Variants in LRRC69 observed in about 807,000 individuals in gnomAD.
The protein encoded by LRRC69 is leucine rich repeat containing 69, also known as leucine-rich repeat-containing protein 69.
A neutral mutation model predicts 37.8 loss-of-function variants in LRRC69; 42 were observed. The observed-to-expected ratio is 1.11, with a 90% confidence interval of 0.87 to 1.44. LRRC69 has a LOEUF of 1.44. LRRC69 is among the 40% of genes most tolerant of loss of function. The probability of loss-of-function intolerance (pLI) is 0.00; values close to 1 mark genes in which losing one functional copy is unlikely to be tolerated. For synonymous variants in LRRC69, 141 were observed against 143.1 expected, an observed-to-expected ratio of 0.99 and a Z score of 0.11; for missense variants, 357 against 401.9, an observed-to-expected ratio of 0.89 and a Z score of 0.96.
At chr8:91,198,940 TA>T in intron 6 of LRRC69, among the ~76,000 whole-genome samples, 1 of 152,172 alleles carries the variant, frequency 6.6e-6, no homozygotes, top group South Asian at 2.1e-4. Context: ...TGGCAATAAG[TA>T]AAAGAAAAAT....
chr8:91,197,921 CT>C (rs1374802407), intron 6 of LRRC69, among the ~76,000 whole-genome samples: 1 of 152,112 alleles, frequency 6.6e-6, no homozygotes, highest in Non-Finnish European at 1.5e-5. Flanking sequence ...CTATCTATGC[CT>C]GTAATATGTA....
At chr8:91,193,298 T>C (rs1809534219) in intron 6 of LRRC69, among the ~76,000 whole-genome samples, 1 of 141,456 alleles carries the variant, frequency 7.1e-6, no homozygotes, top group African/African-American at 2.7e-5. Flanking sequence ...TCCAGCTTTG[T>C]TCTTTTGGCT....
chr8:91,132,675 C>T (rs1273667445), intron 3 of LRRC69, among the ~76,000 whole-genome samples: 1 of 151,914 alleles, frequency 6.6e-6, no homozygotes, highest in Non-Finnish European at 1.5e-5. Context: ...TTTGAACTTC[C>T]ACAGCAATTG....
At chr8:91,127,845 A>G (rs1182343959) in intron 3 of LRRC69, among the ~76,000 whole-genome samples, 1 of 151,996 alleles carries the variant, frequency 6.6e-6, no homozygotes, top group Admixed American at 6.6e-5. Context: ...CAGGGTTTTA[A>G]AAGAGAATAC....
At chr8:91,159,055 G>C (rs992069976) in intron 5 of LRRC69, among the ~76,000 whole-genome samples, 6 of 151,084 alleles carry the variant, frequency 4.0e-5, no homozygotes, top group African/African-American at 1.2e-4. Flanking sequence ...AAAGATCTAT[G>C]ACCAGATATT....
rs1808858634 is a variant in LRRC69 at position 91,157,534 on chromosome 8, T to G, written c.651+21795T>G. 2.0e-6 allele frequency: 3 copies of G among 1,532,178 alleles called. No homozygotes were observed. In the African/African-American group the frequency reaches 4.1e-5, roughly 21 times the overall value. 94.9% of individuals were successfully genotyped at this position (1,532,178 alleles called of 1,614,324 possible). On this transcript the variant is annotated intron_variant, in intron 5 of 7. Transcript: ENST00000448384. ...GGAGTTCTATTTGTTTCCTATAGTA[T>G]TTAATGAGAATGAGGGTTTACTCCT...
chr8:91,200,034 G>A (rs1327269663), intron 6 of LRRC69, among the ~76,000 whole-genome samples: 1 of 152,010 alleles, frequency 6.6e-6, no homozygotes, highest in Non-Finnish European at 1.5e-5. Context: ...CACTATTCAG[G>A]TTCTCAGTGC....
At chr8:91,174,395 A>G (rs954489479) in intron 5 of LRRC69, among the ~76,000 whole-genome samples, 1 of 152,232 alleles carries the variant, frequency 6.6e-6, no homozygotes, top group Admixed American at 6.5e-5. Context: ...ACTAAGTGAA[A>G]TTAAAGGCGC....
chr8:91,148,982 A>C (rs1808675745), intron 5 of LRRC69, among the ~76,000 whole-genome samples: 1 of 151,668 alleles, frequency 6.6e-6, no homozygotes, highest in African/African-American at 2.4e-5. Flanking sequence ...TCTGGATATT[A>C]GCCCTTTGTC....
intron 1 of LRRC69, among the ~76,000 whole-genome samples, chr8:91,120,036 G>T (rs1191569258): frequency 1.3e-5 from 2 of 151,778 alleles, no homozygotes; most frequent in Admixed American, 6.6e-5. Context: ...TCTTGGGGGT[G>T]GGGGGGAACT....
chr8:91,137,858 A>T (rs1020796637), intron 5 of LRRC69, among the ~76,000 whole-genome samples: 2 of 152,126 alleles, frequency 1.3e-5, no homozygotes, highest in African/African-American at 2.4e-5. Flanking sequence ...CACAATGATT[A>T]TCAGTGAAAG....
chr8:91,111,976 A>G (rs1421583151), intron 1 of LRRC69, among the ~76,000 whole-genome samples: 1 of 152,012 alleles, frequency 6.6e-6, no homozygotes, highest in Non-Finnish European at 1.5e-5. Flanking sequence ...ATGCAAATGC[A>G]AAAGGAGGAT....
intron 1 of LRRC69, chr8:91,118,644 C>T (rs760861651): frequency 5.9e-6 from 1 of 170,196 alleles, no homozygotes; most frequent in Non-Finnish European, 1.3e-5. Flanking sequence ...GTCTTTCCAT[C>T]TATAACCATA....
chr8:91,151,071 G>A (rs1305251241), intron 5 of LRRC69, among the ~76,000 whole-genome samples: 5 of 150,824 alleles, frequency 3.3e-5, no homozygotes, highest in Non-Finnish European at 5.9e-5. Flanking sequence ...AGGGTTTTTT[G>A]TGTCTCTATT....
chr8:91,183,313 T>C (rs1287425128), intron 5 of LRRC69, among the ~76,000 whole-genome samples: 2 of 152,218 alleles, frequency 1.3e-5, no homozygotes, highest in Non-Finnish European at 2.9e-5. Context: ...TGGTAGACTT[T>C]TGCTGAAGTC....
chr8:91,147,167 T>C (rs1444879047), intron 5 of LRRC69, among the ~76,000 whole-genome samples: 2 of 150,656 alleles, frequency 1.3e-5, no homozygotes, highest in Non-Finnish European at 3.0e-5. Flanking sequence ...TGCTCATATA[T>C]TGTAAATTAT....
chr8:91,172,214 A>G lies in LRRC69; in HGVS notation c.652-17308A>G, dbSNP rs111909783. ...TTCTTACCACAATAAAAATGCTTCT[A>G]TAAAGTTCAGTGTGGCTACTCTTTG... On this transcript the variant is annotated intron_variant, in intron 5 of 7. Transcript: ENST00000448384. 7.1e-3 allele frequency among the ~76,000 whole-genome samples: 1,083 copies of G among 152,092 alleles called. 16 individuals are homozygous for G. The highest frequency in any genetic ancestry group is 0.011 in the Non-Finnish European group (769 of 68,008).
chr8:91,200,886 A>G (rs1010410003), intron 7 of LRRC69, 94 bp downstream of exon 7: 8 of 1,209,100 alleles, frequency 6.6e-6, no homozygotes, highest in African/African-American at 1.6e-5. Context: ...ATTTGTACCT[A>G]TGATTGGCTT....
intron 5 of LRRC69, among the ~76,000 whole-genome samples, chr8:91,146,180 G>T (rs1322758965): frequency 6.6e-6 from 1 of 151,572 alleles, no homozygotes; most frequent in South Asian, 2.1e-4. Context: ...AACCACTATC[G>T]CTAGCTACCC....
Sources: gnomAD v4.1 joint callset for allele counts (sites outside exome capture counted in the v4.1 genomes callset) on GRCh38, gnomAD v4.1.1 for gene constraint, MANE v1.5 for transcripts, NCBI Gene and HGNC (gene_info 2026-07-23, HGNC 2026-07-21) for gene names.